Variants in AK7 observed in about 807,000 individuals in gnomAD.
AK7 encodes the protein adenylate kinase 7.
A neutral mutation model predicts 96.6 loss-of-function variants in AK7; 78 were observed. That is an observed-to-expected ratio of 0.81 (90% CI 0.67 to 0.97). The LOEUF (loss-of-function observed/expected upper bound fraction) is 0.97, where lower values mean the gene tolerates loss of function less well. Among genes scored for constraint, AK7 ranks in the 50% least tolerant of loss-of-function variants. The pLI is 0.00. For synonymous variants in AK7, 302 were observed against 317.2 expected, an observed-to-expected ratio of 0.95 and a Z score of 0.51; for missense variants, 855 against 887.9, an observed-to-expected ratio of 0.96 and a Z score of 0.47.
At chr14:96,446,767 C>A (rs1022109174) in intron 8 of AK7, among the ~76,000 whole-genome samples, 160 bp downstream of exon 8, 3 of 151,804 alleles carry the variant, frequency 2.0e-5, no homozygotes, top group Non-Finnish European at 4.4e-5. Flanking sequence ...ATGATGAAAC[C>A]CCATCTCTAC....
At chr14:96,455,457 C>T (rs1216256557) in intron 10 of AK7, among the ~76,000 whole-genome samples, 1 of 152,112 alleles carries the variant, frequency 6.6e-6, no homozygotes, top group Non-Finnish European at 1.5e-5. Context: ...TACACTCCAG[C>T]CTGGGCAACA....
Position 96,483,515 on chromosome 14 carries a change from G to A in AK7, c.1974+296G>A, listed in dbSNP as rs550209006. 2.5e-3 allele frequency among the ~76,000 whole-genome samples: 386 copies of A among 151,552 alleles called. 1 individual carries two copies. Among genetic ancestry groups the A allele is most frequent in the African/African-American group, 8.9e-3 (367 of 41,310 alleles). Reference sequence around the variant, plus strand: ...TGGCTTACTGCAACCTCTGCCTCCCGGGTTCAAGTGATCCTCCTGTCTCAG... The same window carrying A: ...TGGCTTACTGCAACCTCTGCCTCCCAGGTTCAAGTGATCCTCCTGTCTCAG... On this transcript the variant is annotated intron_variant, in intron 16 of 17. Transcript: ENST00000267584.
At chr14:96,427,685 T>G (rs921139857) in intron 5 of AK7, among the ~76,000 whole-genome samples, 3 of 152,228 alleles carry the variant, frequency 2.0e-5, no homozygotes, top group Non-Finnish European at 4.4e-5. Context: ...TTCTCCACTA[T>G]TGTCCCTTTG....
intron 12 of AK7, among the ~76,000 whole-genome samples, chr14:96,469,387 T>C (rs112693453): frequency 0.086 from 13,132 of 152,016 alleles, 677 homozygotes; most frequent in Middle Eastern, 0.12. Context: ...TAGCTGGGCG[T>C]AGTGGTGCAC....
intron 12 of AK7, among the ~76,000 whole-genome samples, chr14:96,462,189 G>A (rs932796561): frequency 3.3e-5 from 5 of 152,186 alleles, no homozygotes; most frequent in Admixed American, 1.3e-4. Flanking sequence ...GGAAGTGGTC[G>A]TGTGGGGAAG....
intron 12 of AK7, among the ~76,000 whole-genome samples, chr14:96,462,997 TGTG>T (rs1292631618): frequency 1.3e-5 from 2 of 151,698 alleles, no homozygotes; most frequent in African/African-American, 4.8e-5. Flanking sequence ...ATTAGCCGGG[TGTG>T]GTGGTGGATG....
intron 10 of AK7, among the ~76,000 whole-genome samples, chr14:96,455,081 C>T (rs1190115964): frequency 2.0e-5 from 3 of 152,066 alleles, no homozygotes; most frequent in Non-Finnish European, 2.9e-5. Flanking sequence ...GCAGGAGAAT[C>T]GCTTGAACCC....
intron 14 of AK7, 54 bp downstream of exon 14, chr14:96,472,809 T>A: frequency 3.3e-6 from 5 of 1,496,172 alleles, no homozygotes; most frequent in Non-Finnish European, 3.7e-6. Flanking sequence ...GGGCTGGGCG[T>A]GGTGGCTCAC....
chr14:96,453,677 C>G (rs187216806), intron 10 of AK7, among the ~76,000 whole-genome samples: 11 of 152,302 alleles, frequency 7.2e-5, no homozygotes, highest in Non-Finnish European at 1.5e-4. Flanking sequence ...CAGTGTCCAT[C>G]TGCTTGAAGG....
intron 14 of AK7, among the ~76,000 whole-genome samples, chr14:96,476,611 G>A (rs141364582): frequency 6.7e-4 from 102 of 151,508 alleles, no homozygotes; most frequent in African/African-American, 2.2e-3. Flanking sequence ...TCTATTACTC[G>A]CTATCCACAG....
intron 2 of AK7, among the ~76,000 whole-genome samples, chr14:96,402,908 C>T (rs1298955373): frequency 6.6e-6 from 1 of 151,140 alleles, no homozygotes; most frequent in Non-Finnish European, 1.5e-5. Flanking sequence ...GCGGGCGGAT[C>T]ACCTGAGGTC....
intron 10 of AK7, among the ~76,000 whole-genome samples, chr14:96,455,092 A>G (rs986998306): frequency 1.3e-5 from 2 of 152,098 alleles, no homozygotes; most frequent in Non-Finnish European, 2.9e-5. Flanking sequence ...GCTTGAACCC[A>G]GGAGGCAGAG....
intron 12 of AK7, among the ~76,000 whole-genome samples, chr14:96,459,231 G>A (rs10149348): frequency 2.0e-5 from 3 of 151,826 alleles, no homozygotes; most frequent in Admixed American, 6.6e-5. Context: ...CCAGCTACTC[G>A]GGAAGGTGAG....
rs1215748028 is a variant in AK7 at position 96,427,803 on chromosome 14, GT to G, written c.609+6876del. The stretch of plus-strand genomic sequence containing the variant: ...CTAGATCCTATAGGCATGTTTCATT[GT>G]TTTTCTTTTTTTGTCTCCTCTGACT... On this transcript the variant is annotated intron_variant, in intron 5 of 17. Transcript: ENST00000267584. Among the ~76,000 whole-genome samples, 6 of 151,858 alleles carry G rather than the reference GT, an allele frequency of 4.0e-5. No individual in the cohort carries two copies. The East Asian group carries it at 1.2e-3, about 29-fold the overall frequency.
rs187890438 is a variant in AK7, at chr14:96,487,146, C to T, written c.2133+90C>T. The stretch of plus-strand genomic sequence containing the variant: ...TCCCAGCACTTTGGGAGGCCAAGGT[C>T]AGGGGATCACTTGTGGTCAGGAGTT... On this transcript the variant is annotated intron_variant, in intron 17 of 17. Transcript: ENST00000267584. 3.9e-4 allele frequency: 537 copies of T among 1,377,954 alleles called. 2 individuals are homozygous for T. In the African/African-American group the frequency reaches 6.6e-3, roughly 17 times the overall value. The allele number at this position is 1,377,954 out of a possible 1,614,324, so 85.4% of individuals were successfully genotyped here. A position where few individuals can be genotyped will look rare whatever the true frequency, so the allele number is the denominator to read the frequency against.
chr14:96,395,764 A>T (rs928385664), intron 1 of AK7, among the ~76,000 whole-genome samples: 15 of 93,730 alleles, frequency 1.6e-4, no homozygotes, highest in East Asian at 7.6e-4. Flanking sequence ...AAGGGAGTTT[A>T]TCTCCTTCCT....
At chr14:96,428,109 C>A (rs1160945994) in intron 5 of AK7, among the ~76,000 whole-genome samples, 1 of 152,074 alleles carries the variant, frequency 6.6e-6, no homozygotes, top group Non-Finnish European at 1.5e-5. Flanking sequence ...GCTATCCTTC[C>A]CCCATCCCCC....
chr14:96,437,990 G>C, intron 6 of AK7, 75 bp downstream of exon 6: 1 of 1,394,850 alleles, frequency 7.2e-7, no homozygotes, highest in Non-Finnish European at 1.0e-6. Flanking sequence ...AGGTGTTTTT[G>C]ATTGCTTTGG....
At chr14:96,472,640 GTAATAATATATTAA>G in intron 13 of AK7, 33 bp from the exon 14 acceptor site, 1 of 1,508,958 alleles carries the variant, frequency 6.6e-7, no homozygotes, top group Non-Finnish European at 9.2e-7. Flanking sequence ...GTGATCCATA[GTAATAATATATTAA>G]TAAACACAAT....
Sources: allele counts gnomAD v4.1 joint callset (sites outside exome capture counted in the v4.1 genomes callset), GRCh38; gene constraint gnomAD v4.1.1; transcripts MANE v1.5; gene names NCBI Gene and HGNC (gene_info 2026-07-23, HGNC 2026-07-21).